The following CLTA variants were observed in gnomAD, a reference collection of about 807,000 sequenced individuals.
CLTA encodes clathrin, light polypeptide (Lca).
Under a neutral mutation model 26.9 loss-of-function variants are expected in CLTA, and 9 were observed. The observed-to-expected ratio is 0.33, with a 90% CI of 0.20 to 0.58. The LOEUF is 0.58. Ranked by LOEUF, CLTA falls within the 20% of genes least tolerant of loss-of-function variation. CLTA has a pLI of 0.85. For synonymous variants in CLTA, 120 were observed against 115.5 expected (o/e 1.04, Z -0.25); for missense variants, 278 against 294.2 (o/e 0.94, Z 0.40).
rs1291998832 is a variant in CLTA at position 36,199,001 on chromosome 9, G to A, written c.278G>A (p.Ser93Asn). The A allele has an allele frequency of 6.2e-7, 1 of 1,613,422 alleles. No individual in the cohort carries two copies. The highest frequency in any genetic ancestry group is 8.5e-7 in the Non-Finnish European group (1 of 1,179,390). The change falls in exon 3 of 5, where the codon AGT becomes AAT. Residue 93 changes from serine to asparagine, a missense_variant. Coordinates refer to ENST00000345519, the MANE Select transcript of CLTA (RefSeq NM_001833.4). The stretch of plus-strand genomic sequence containing the variant: ...AAGGAAAGTAATGGTCCAACAGACA[G>A]TTATGCAGCTATTTCACAAGTGGAT... ...YYQESNGPTD[S>N]YAAISQVDRL...
intron 4 of CLTA, among the ~76,000 whole-genome samples, chr9:36,208,962 T>C (rs537908458): frequency 1.5e-4 from 23 of 152,296 alleles, no homozygotes; most frequent in African/African-American, 5.1e-4. Context: ...ACATAATGTA[T>C]GTGAAAGGGC....
At chr9:36,200,335 TACAC>T (rs370276069) in intron 3 of CLTA, among the ~76,000 whole-genome samples, 150 of 152,298 alleles carry the variant, frequency 9.8e-4, no homozygotes, top group Middle Eastern at 3.4e-3. Context: ...GTTTTAGACA[TACAC>T]ACACACAAAT....
chr9:36,209,990 G>C (rs1032921620), intron 4 of CLTA, among the ~76,000 whole-genome samples: 16 of 152,204 alleles, frequency 1.1e-4, no homozygotes, highest in African/African-American at 3.9e-4. Context: ...TTGAGATCAG[G>C]ATAGTCAAAG....
Position 36,211,846 on chromosome 9 carries a change from G to C in CLTA, c.*72G>C, listed in dbSNP as rs981867132. 1.6e-6 allele frequency: 2 copies of C among 1,286,812 alleles called. No individual in the cohort carries two copies. The highest frequency in any genetic ancestry group is 2.2e-6 in the Non-Finnish European group (2 of 917,134). 79.7% of individuals were successfully genotyped at this position (1,286,812 alleles called of 1,614,324 possible). A position where few individuals can be genotyped will look rare whatever the true frequency, so the allele number is the denominator to read the frequency against. On this transcript the variant is annotated 3_prime_UTR_variant, in exon 5 of 5. Coordinates refer to ENST00000345519, the MANE Select transcript of CLTA (RefSeq NM_001833.4). Reference sequence around the variant, plus strand: ...TCAGTGAAGCTCTTCACAGTCATTGGATTAATTATGTTGAGTTCTTTTGGA... The same window carrying C: ...TCAGTGAAGCTCTTCACAGTCATTGCATTAATTATGTTGAGTTCTTTTGGA...
At chr9:36,193,402 T>C (rs1826850775) in intron 1 of CLTA, among the ~76,000 whole-genome samples, 1 of 152,102 alleles carries the variant, frequency 6.6e-6, no homozygotes, top group Admixed American at 6.5e-5. Context: ...AGCTTTGTGA[T>C]CTCAGACAAT....
intron 3 of CLTA, among the ~76,000 whole-genome samples, chr9:36,200,881 G>A (rs1827364315): frequency 6.6e-6 from 1 of 152,210 alleles, no homozygotes; most frequent in Non-Finnish European, 1.5e-5. Flanking sequence ...GCTGTAGGAA[G>A]ATGAAAATAG....
At chr9:36,204,338 T>C (rs1827596996) in intron 4 of CLTA, among the ~76,000 whole-genome samples, 159 bp downstream of exon 4, 1 of 152,236 alleles carries the variant, frequency 6.6e-6, no homozygotes. Flanking sequence ...TCTCGGGTCT[T>C]GTGAGCATAA....
chr9:36,203,828 G>A (rs1827563491), intron 3 of CLTA, among the ~76,000 whole-genome samples: 1 of 152,174 alleles, frequency 6.6e-6, no homozygotes, highest in Non-Finnish European at 1.5e-5. Context: ...AGTGGACTGG[G>A]ATAAGACCAG....
At position 36,191,106 on chromosome 9, in the gene CLTA, C is replaced by G; in HGVS notation, c.50C>G (p.Pro17Arg). 6.3e-7 allele frequency: 1 copy of G among 1,597,912 alleles called. No homozygotes were observed. ...FGAPAGAPGG[P>R]ALGNGVAGAG... ...GCCCCTGCCGGCGCCCCTGGCGGTC[C>G]CGCGCTGGGGAACGGAGTGGCCGGC... is the stretch of plus-strand genomic sequence containing the variant. The change falls in exon 1 of 5, where the codon CCC becomes CGC. Residue 17 changes from proline to arginine, a missense_variant. Pro to Arg is a moderately radical substitution (Grantham distance 103, BLOSUM62 -2). Coordinates refer to ENST00000345519, the MANE Select transcript of CLTA (RefSeq NM_001833.4).
chr9:36,204,293 T>G, intron 4 of CLTA, 114 bp downstream of exon 4: 1 of 1,178,320 alleles, frequency 8.5e-7, no homozygotes, highest in Middle Eastern at 2.0e-4. Context: ...ATGTCTGCAG[T>G]TTTTAAAGAA....
intron 1 of CLTA, among the ~76,000 whole-genome samples, chr9:36,195,077 A>G (rs1002791811): frequency 1.3e-5 from 2 of 152,252 alleles, no homozygotes; most frequent in African/African-American, 2.4e-5. Context: ...TATATTAACC[A>G]TAATGTAGGC....
At position 36,197,007 on chromosome 9, in the gene CLTA, C is replaced by A. The variant is rs146660281; in HGVS notation, c.218-544C>A. Reference sequence around the variant, plus strand: ...TGGGCAGCATGGCGAAACCCCCTTCCTACAAAAAAATAGAAAAATTATCCA... The same window carrying A: ...TGGGCAGCATGGCGAAACCCCCTTCATACAAAAAAATAGAAAAATTATCCA... On this transcript the variant is annotated intron_variant, in intron 1 of 4. Coordinates refer to ENST00000345519, the MANE Select transcript of CLTA (RefSeq NM_001833.4). 5.5e-4 allele frequency among the ~76,000 whole-genome samples: 84 copies of A among 152,228 alleles called. 1 individual carries two copies. Among genetic ancestry groups the A allele is most frequent in the African/African-American group, 1.8e-3 (75 of 41,530 alleles).
intron 3 of CLTA, 53 bp from the exon 4 acceptor site, chr9:36,204,015 T>G: frequency 6.2e-7 from 1 of 1,606,844 alleles, no homozygotes; most frequent in Middle Eastern, 1.7e-4. Context: ...CTGATGAACT[T>G]CAGTTTGCAC....
chr9:36,202,843 A>G (rs866811164), intron 3 of CLTA, among the ~76,000 whole-genome samples: 21 of 149,374 alleles, frequency 1.4e-4, no homozygotes, highest in Middle Eastern at 3.4e-3. Flanking sequence ...CTTTTTTGAG[A>G]CAGAGTCTCA....
In CLTA at chr9:36,211,800, T is replaced by A; in HGVS notation, c.*26T>A. The A allele has an allele frequency of 6.4e-7, 1 of 1,550,968 alleles. No individual in the cohort carries two copies. Among genetic ancestry groups the A allele is most frequent in the South Asian group, 1.1e-5 (1 of 88,328 alleles). On this transcript the variant is annotated 3_prime_UTR_variant, in exon 5 of 5. Coordinates refer to ENST00000345519, the MANE Select transcript of CLTA (RefSeq NM_001833.4). Reference sequence around the variant, plus strand: ...AGAGCCACCCTGTGGAAACACTACATCTGCAATATCTTAATCCTACTCAGT... The same window carrying A: ...AGAGCCACCCTGTGGAAACACTACAACTGCAATATCTTAATCCTACTCAGT...
chr9:36,202,948 A>G (rs987601930), intron 3 of CLTA, among the ~76,000 whole-genome samples: 1 of 151,358 alleles, frequency 6.6e-6, no homozygotes, highest in Non-Finnish European at 1.5e-5. Context: ...CAGCCTCCCC[A>G]GTAATCCCCA....
chr9:36,201,890 T>TCA (rs1827435277), intron 3 of CLTA, among the ~76,000 whole-genome samples: 1 of 151,828 alleles, frequency 6.6e-6, no homozygotes, highest in South Asian at 2.1e-4. Flanking sequence ...GGTGGGAGGA[T>TCA]CACTTGAGCT....
At chr9:36,206,957 T>G (rs1162790457) in intron 4 of CLTA, among the ~76,000 whole-genome samples, 1 of 152,086 alleles carries the variant, frequency 6.6e-6, no homozygotes, top group Non-Finnish European at 1.5e-5. Context: ...TCTCTCTGGG[T>G]GACTTCTGCA....
intron 4 of CLTA, chr9:36,209,329 C>G: frequency 6.3e-7 from 1 of 1,581,764 alleles, no homozygotes; most frequent in South Asian, 1.1e-5. Flanking sequence ...GTGTATGTTG[C>G]AAAACTAATT....
Sources: gnomAD v4.1 joint callset for allele counts (sites outside exome capture counted in the v4.1 genomes callset) on GRCh38, gnomAD v4.1.1 for gene constraint, MANE v1.5 for transcripts, NCBI Gene and HGNC (gene_info 2026-07-23, HGNC 2026-07-21) for gene names.